The following THOC5 variants were observed in gnomAD, a reference collection of about 807,000 sequenced individuals.
THOC5 encodes THO complex subunit 5, also known as Fms-interacting protein.
Under a neutral mutation model 92.9 loss-of-function variants are expected in THOC5, and 43 were observed. That is an observed-to-expected ratio of 0.46 (90% CI 0.36 to 0.60). The LOEUF is 0.60. Among genes scored for constraint, THOC5 ranks in the 20% least tolerant of loss-of-function variants. THOC5 has a pLI of 0.00. For missense variants in THOC5, 659 were observed against 849.4 expected (o/e 0.78, Z 2.79); for synonymous variants, 296 against 320.1 (o/e 0.92, Z 0.80).
chr22:29,527,098 T>C (rs2063559562), intron 11 of THOC5, among the ~76,000 whole-genome samples: 1 of 152,254 alleles, frequency 6.6e-6, no homozygotes, highest in South Asian at 2.1e-4. Context: ...GGAACTCATG[T>C]TATTTTGGCA....
intron 5 of THOC5, 23 bp from the exon 6 acceptor site, chr22:29,539,499 A>G (rs1569228832): frequency 6.2e-7 from 1 of 1,606,212 alleles, no homozygotes; most frequent in Non-Finnish European, 8.5e-7. Flanking sequence ...ACATGACATC[A>G]AGCTGCTGTT....
Position 29,528,211 on chromosome 22 carries a change from C to T in THOC5, c.967-34G>A, listed in dbSNP as rs192985783. ...AGGAAAGTGCCAAGCTGATGAGCAT[C>T]AGTCATAGCAATCTCCCCTTCCCTC... On this transcript the variant is annotated intron_variant, in intron 10 of 19. Coordinates refer to ENST00000490103, the MANE Select transcript of THOC5 (RefSeq NM_003678.5). 21 of 1,614,056 alleles carry T rather than the reference C, an allele frequency of 1.3e-5. 1 individual carries two copies. In the African/African-American group the frequency reaches 2.4e-4, roughly 18 times the overall value.
chr22:29,510,411 A>C (rs2063201731), intron 19 of THOC5, among the ~76,000 whole-genome samples: 1 of 152,200 alleles, frequency 6.6e-6, no homozygotes, highest in Admixed American at 6.6e-5. Context: ...AGCCTGGCTA[A>C]TATGGTGAAA....
chr22:29,551,307 G>A (rs748868165), intron 1 of THOC5, among the ~76,000 whole-genome samples: 21 of 152,234 alleles, frequency 1.4e-4, no homozygotes, highest in Non-Finnish European at 2.4e-4. Context: ...GGAGGCGGGC[G>A]CCTGTAATCT....
At chr22:29,511,531 G>GA (rs1355147136) in intron 18 of THOC5, 1 of 531,878 alleles carries the variant, frequency 1.9e-6, no homozygotes, top group Admixed American at 3.3e-5. Flanking sequence ...CCACAGCCAG[G>GA]AAAACAGAGG....
At chr22:29,547,792 G>C (rs1315767198) in intron 2 of THOC5, among the ~76,000 whole-genome samples, 1 of 152,060 alleles carries the variant, frequency 6.6e-6, no homozygotes, top group Non-Finnish European at 1.5e-5. Context: ...TGCCAAAGTC[G>C]CTTCCACATT....
rs553029254 is a variant in THOC5 at position 29,550,878 on chromosome 22, T to C, written c.-11-1720A>G. 3.1e-4 allele frequency: 47 copies of C among 152,288 alleles called. 1 individual carries two copies. The highest frequency in any genetic ancestry group is 1.1e-3 in the African/African-American group (44 of 41,558). The allele number at this position is 152,288 out of a possible 1,614,324, so 9.4% of individuals were successfully genotyped here. On this transcript the variant is annotated intron_variant, in intron 1 of 19. Coordinates refer to ENST00000490103, the MANE Select transcript of THOC5 (RefSeq NM_003678.5). ...AAGTTAATCCCTTTTCAATTCTTAT[T>C]TTGAAACTTCTGATTGCTTCAAGGA...
At position 29,521,094 on chromosome 22, in the gene THOC5, A is replaced by C. The variant is rs1235862266; in HGVS notation, c.1181T>G (p.Leu394Trp). Residue 394 changes from leucine (L) to tryptophan (W), a missense_variant, in exon 13 of 20, where the codon TTG (leucine) becomes TGG (tryptophan). Leu to Trp is a moderately conservative substitution (Grantham distance 61, BLOSUM62 -2). Coordinates refer to ENST00000490103, the MANE Select transcript of THOC5 (RefSeq NM_003678.5). The stretch of plus-strand genomic sequence containing the variant: ...ACTCAGGACTGAGTCAGGAGACAGC[A>C]AGTCACTAGAAAAGGAAAAACAGTA... ...ELITPISAGD[L>W]LSPDSVLSCL... The C allele has an allele frequency of 6.2e-7, 1 of 1,612,550 alleles. No homozygotes were observed. The highest frequency in any genetic ancestry group is 8.5e-7 in the Non-Finnish European group (1 of 1,178,662).
Position 29,542,887 on chromosome 22 carries a change from T to G in THOC5, c.424A>C (p.Lys142Gln), listed in dbSNP as rs1446851427. 6.2e-7 allele frequency: 1 copy of G among 1,613,326 alleles called. No homozygotes were observed. Among genetic ancestry groups the G allele is most frequent in the Non-Finnish European group, 8.5e-7 (1 of 1,179,662 alleles). ...NLLYEVMHLQ[K>Q]EITKCLEFKS... Reference sequence around the variant, plus strand: ...AACTCCAAACATTTGGTGATCTCCTTCTGTAGGTGCATCACCTCATACAAC... The same window carrying G: ...AACTCCAAACATTTGGTGATCTCCTGCTGTAGGTGCATCACCTCATACAAC... The change falls in exon 5 of 20, where the codon AAG becomes CAG. Residue 142 changes from lysine (K) to glutamine (Q), a missense_variant. Coordinates refer to ENST00000490103, the MANE Select transcript of THOC5 (RefSeq NM_003678.5).
intron 8 of THOC5, among the ~76,000 whole-genome samples, chr22:29,529,787 G>A (rs1407071510): frequency 1.3e-5 from 2 of 152,282 alleles, no homozygotes; most frequent in East Asian, 3.9e-4. Flanking sequence ...TCAAACACAT[G>A]ACCTGGAAAG....
intron 11 of THOC5, among the ~76,000 whole-genome samples, chr22:29,526,196 A>T (rs1474836689): frequency 6.6e-6 from 1 of 152,234 alleles, no homozygotes; most frequent in Non-Finnish European, 1.5e-5. Context: ...AAAGAAAAAC[A>T]GAATTATAGA....
At chr22:29,540,427 G>T (rs2063857546) in intron 5 of THOC5, among the ~76,000 whole-genome samples, 1 of 152,122 alleles carries the variant, frequency 6.6e-6, no homozygotes, top group African/African-American at 2.4e-5. Flanking sequence ...TAAGAGGTGG[G>T]GAGTTTTAAT....
intron 6 of THOC5, among the ~76,000 whole-genome samples, chr22:29,538,023 C>T (rs906752979): frequency 1.3e-5 from 2 of 152,174 alleles, no homozygotes; most frequent in African/African-American, 4.8e-5. Flanking sequence ...CATTCTGTCG[C>T]CCAGGCTAGA....
At chr22:29,518,628 G>A (rs886764647) in intron 15 of THOC5, among the ~76,000 whole-genome samples, 1 of 152,252 alleles carries the variant, frequency 6.6e-6, no homozygotes, top group African/African-American at 2.4e-5. Context: ...ACTGTGCTCA[G>A]TTCTTCCCCC....
chr22:29,537,763 G>A (rs999327181), intron 6 of THOC5, among the ~76,000 whole-genome samples: 3 of 151,762 alleles, frequency 2.0e-5, no homozygotes, highest in African/African-American at 4.8e-5. Flanking sequence ...GGTGGCACAC[G>A]CCTTGTAGTC....
chr22:29,509,241 A>T (rs945598459), intron 19 of THOC5, among the ~76,000 whole-genome samples: 2 of 144,964 alleles, frequency 1.4e-5, no homozygotes, highest in African/African-American at 5.1e-5. Flanking sequence ...ATGCTACTAC[A>T]CTCCAGCCTG....
At chr22:29,528,347 G>A (rs1228826948) in intron 10 of THOC5, 79 bp downstream of exon 10, 3 of 1,613,892 alleles carry the variant, frequency 1.9e-6, no homozygotes, top group African/African-American at 1.3e-5. Context: ...TCTGCTTCTA[G>A]GGAGGACGGC....
chr22:29,543,345 C>T, intron 4 of THOC5, 84 bp downstream of exon 4: 2 of 638,326 alleles, frequency 3.1e-6, no homozygotes, highest in South Asian at 1.8e-5. Flanking sequence ...GAGACTCTGT[C>T]TCAAAAAAAA....
At chr22:29,541,706 G>T (rs1423561380) in intron 5 of THOC5, among the ~76,000 whole-genome samples, 1 of 147,714 alleles carries the variant, frequency 6.8e-6, no homozygotes, top group East Asian at 2.0e-4. Context: ...CTAAAAACAC[G>T]AAATATTAGC....
Sources: allele counts gnomAD v4.1 joint callset (sites outside exome capture counted in the v4.1 genomes callset), GRCh38; gene constraint gnomAD v4.1.1; transcripts MANE v1.5; gene names NCBI Gene and HGNC (gene_info 2026-07-23, HGNC 2026-07-21).